Variants in ANO4 observed in about 807,000 individuals in gnomAD.
The protein encoded by ANO4 is anoctamin 4, also known as anoctamin-4.
ANO4 carries 69 observed loss-of-function variants against 141.9 expected under a neutral mutation model. The observed-to-expected ratio is 0.49, with a 90% CI of 0.40 to 0.59. The LOEUF (loss-of-function observed/expected upper bound fraction) is 0.59. Among genes scored for constraint, ANO4 ranks in the 20% least tolerant of loss-of-function variants. The pLI is 0.00. For missense variants in ANO4, 894 were observed against 1,162.2 expected (o/e 0.77, Z 3.36); for synonymous variants, 350 against 394.3 (o/e 0.89, Z 1.33).
Position 101,054,920 on chromosome 12 carries a change from A to T in ANO4, c.1312+6519A>T, listed in dbSNP as rs111797848. 1.8e-3 allele frequency among the ~76,000 whole-genome samples: 271 copies of T among 152,222 alleles called. 3 individuals are homozygous for T. The highest frequency in any genetic ancestry group is 6.0e-3 in the African/African-American group (250 of 41,480). On this transcript the variant is annotated intron_variant, in intron 14 of 27. Coordinates refer to ENST00000392977, the MANE Select transcript of ANO4 (RefSeq NM_001286615.2). ...TCATGCAGATTAAATTATTCAATAT[A>T]TAGCATTTTGTGTCTGGCTACTTTC...
At chr12:101,099,982 C>A (rs2136962174) in intron 22 of ANO4, among the ~76,000 whole-genome samples, 1 of 152,300 alleles carries the variant, frequency 6.6e-6, no homozygotes, top group African/African-American at 2.4e-5. Context: ...GTTCAAATCC[C>A]AGCCCTATCA....
At chr12:100,962,172 GA>G (rs1410506192) in intron 5 of ANO4, among the ~76,000 whole-genome samples, 1 of 152,154 alleles carries the variant, frequency 6.6e-6, no homozygotes, top group African/African-American at 2.4e-5. Context: ...GTAAGAGGAT[GA>G]ATTTTTTTCT....
rs553627728 is a variant in ANO4, at chr12:101,001,577, C to A, written c.734+13907C>A. ...ACCCAAATCTGTCTCATTGCAAACC[C>A]ATGCTCCTTCCATAATACAACCTGA... On this transcript the variant is annotated intron_variant, in intron 8 of 27. Coordinates refer to ENST00000392977, the MANE Select transcript of ANO4 (RefSeq NM_001286615.2). 1.0e-3 allele frequency among the ~76,000 whole-genome samples: 155 copies of A among 152,278 alleles called. 1 individual carries two copies. The highest frequency in any genetic ancestry group is 1.8e-3 in the Non-Finnish European group (121 of 68,024).
chr12:101,004,251 A>C (rs2045778298), intron 8 of ANO4, among the ~76,000 whole-genome samples: 1 of 152,078 alleles, frequency 6.6e-6, no homozygotes, highest in Non-Finnish European at 1.5e-5. Context: ...TTGGGGGAGC[A>C]AAATGAAGAG....
chr12:101,104,022 C>T (rs11110654), intron 22 of ANO4, among the ~76,000 whole-genome samples: 28,722 of 151,636 alleles, frequency 0.19, 3,053 homozygotes, highest in African/African-American at 0.28. Context: ...AACTTAGCAG[C>T]GTAAAATTGT....
At chr12:101,069,900 TTCCATAGTG>T (rs2048739187) in intron 14 of ANO4, among the ~76,000 whole-genome samples, 1 of 152,148 alleles carries the variant, frequency 6.6e-6, no homozygotes. Context: ...TATGAGCTCC[TTCCATAGTG>T]TCTGTGGGAG....
chr12:100,874,372 C>G (rs2039188832), intron 1 of ANO4, among the ~76,000 whole-genome samples: 1 of 152,196 alleles, frequency 6.6e-6, no homozygotes, highest in South Asian at 2.1e-4. Flanking sequence ...CTATACCAAT[C>G]CTTGGTAGCA....
chr12:100,765,655 T>A (rs565048998), intron 3 of ANO4, among the ~76,000 whole-genome samples: 81 of 151,014 alleles, frequency 5.4e-4, no homozygotes, highest in Admixed American at 1.2e-3. Flanking sequence ...GGAATTCAGA[T>A]GTGAGCTACC....
intron 13 of ANO4, among the ~76,000 whole-genome samples, chr12:101,046,819 T>A (rs2047651368): frequency 6.6e-6 from 1 of 152,234 alleles, no homozygotes; most frequent in South Asian, 2.1e-4. Flanking sequence ...CATGTGTCCC[T>A]TGGGACCAGC....
chr12:101,048,320 A>G, intron 13 of ANO4, 21 bp from the exon 14 acceptor site: 1 of 1,611,970 alleles, frequency 6.2e-7, no homozygotes, highest in African/African-American at 1.3e-5. Context: ...TTAACTCAGC[A>G]CCGATTCTTA....
chr12:100,991,840 G>A (rs1412852936), intron 8 of ANO4, among the ~76,000 whole-genome samples: 3 of 152,156 alleles, frequency 2.0e-5, no homozygotes, highest in Non-Finnish European at 2.9e-5. Flanking sequence ...AATCATGTAA[G>A]TAAAGAATAA....
At chr12:100,923,644 A>G (rs1356602024) in intron 3 of ANO4, among the ~76,000 whole-genome samples, 1 of 152,154 alleles carries the variant, frequency 6.6e-6, no homozygotes, top group Non-Finnish European at 1.5e-5. Flanking sequence ...TCCTTTGGGT[A>G]TATGCTCAGT....
At chr12:100,992,004 A>G (rs2045141481) in intron 8 of ANO4, among the ~76,000 whole-genome samples, 1 of 152,134 alleles carries the variant, frequency 6.6e-6, no homozygotes, top group Admixed American at 6.5e-5. Context: ...GCTATTCTAG[A>G]CACCTCTCTC....
Position 100,970,643 on chromosome 12 carries a change from TCCTC to T in ANO4, c.457-646_457-643del, listed in dbSNP as rs1191879399. ...TTATCTGAGTCTTCCCTCCCTCCCT[TCCTC>T]CCTCCCTCCCTCCCTCTCCTTCCTT... On this transcript the variant is annotated intron_variant, in intron 5 of 27. Transcript: ENST00000392977. Among the ~76,000 whole-genome samples, 821 of 129,380 alleles carry T rather than the reference TCCTC, an allele frequency of 6.3e-3. 12 individuals carry two copies. The highest frequency in any genetic ancestry group is 0.012 in the Middle Eastern group (3 of 248). The allele number at this position is 129,380 out of a possible 152,430, so 84.9% of individuals were successfully genotyped here. A position where few individuals can be genotyped will look rare whatever the true frequency, so the allele number is the denominator to read the frequency against.
intron 15 of ANO4, among the ~76,000 whole-genome samples, chr12:101,083,125 G>A (rs2049351069): frequency 6.6e-6 from 1 of 152,090 alleles, no homozygotes; most frequent in Non-Finnish European, 1.5e-5. Flanking sequence ...GGTTAAAGAT[G>A]AATGACTCCT....
chr12:100,960,076 C>T (rs1180184403), intron 5 of ANO4, among the ~76,000 whole-genome samples: 2 of 152,166 alleles, frequency 1.3e-5, no homozygotes, highest in African/African-American at 4.8e-5. Flanking sequence ...CTTCAAGGCT[C>T]TGCTCACAGC....
intron 1 of ANO4, among the ~76,000 whole-genome samples, chr12:100,850,574 A>T (rs2037810336): frequency 6.6e-6 from 1 of 152,212 alleles, no homozygotes; most frequent in Non-Finnish European, 1.5e-5. Context: ...TGAACAATGA[A>T]TATTAATCAT....
Position 101,061,874 on chromosome 12 carries a change from A to G in ANO4, c.1312+13473A>G, listed in dbSNP as rs551336496. Among the ~76,000 whole-genome samples the G allele has an allele frequency of 1.4e-3, 213 of 152,018 alleles. 1 individual carries two copies. Among genetic ancestry groups the G allele is most frequent in the Non-Finnish European group, 2.5e-3 (173 of 67,982 alleles). ...TGTTATTACCCACCTTCTGAAGCCT[A>G]CTTCTGTCAATTCGTCAAACTCATT... On this transcript the variant is annotated intron_variant, in intron 14 of 27. Coordinates refer to ENST00000392977, the MANE Select transcript of ANO4 (RefSeq NM_001286615.2).
intron 14 of ANO4, among the ~76,000 whole-genome samples, chr12:101,078,767 TC>T (rs1016691878): frequency 1.3e-5 from 2 of 152,168 alleles, no homozygotes; most frequent in African/African-American, 2.4e-5. Context: ...ACTTTTCTGC[TC>T]CTACCTGCCT....
Sources: allele counts gnomAD v4.1 joint callset (sites outside exome capture counted in the v4.1 genomes callset), GRCh38; gene constraint gnomAD v4.1.1; transcripts MANE v1.5; gene names NCBI Gene and HGNC (gene_info 2026-07-23, HGNC 2026-07-21).